Variants in AVEN observed in about 807,000 individuals in gnomAD.
AVEN encodes the protein apoptosis and caspase activation inhibitor.
A neutral mutation model predicts 38.1 loss-of-function variants in AVEN; 41 were observed. That is an observed-to-expected ratio of 1.08 (90% CI 0.84 to 1.40). The LOEUF (loss-of-function observed/expected upper bound fraction) is 1.40, where lower values mean the gene tolerates loss of function less well. AVEN is among the 40% of genes most tolerant of loss of function. AVEN has a pLI of 0.00. For missense variants in AVEN, 605 were observed against 438.8 expected, an observed-to-expected ratio of 1.38 and a Z score of -3.38; for synonymous variants, 206 against 171.8, an observed-to-expected ratio of 1.20 and a Z score of -1.56.
chr15:34,043,073 C>T (rs531586133), upstream of AVEN, among the ~76,000 whole-genome samples: 4 of 151,998 alleles, frequency 2.6e-5, no homozygotes, highest in East Asian at 7.8e-4. Flanking sequence ...CAGTGAAACC[C>T]CGTCTCTACT....
In AVEN at chr15:33,868,415, A is replaced by G. The variant is rs568694845; in HGVS notation, c.613-560T>C. Among the ~76,000 whole-genome samples, 3 of 151,980 alleles carry G rather than the reference A, an allele frequency of 2.0e-5. No homozygotes were observed. The East Asian group carries it at 5.8e-4, about 29-fold the overall frequency. ...CAAAAAAATTAGCCAGGAGTGGTGG[A>G]GAGTGTCTAGTCCCAGCTACTCGGG... On this transcript the variant is annotated intron_variant, in intron 4 of 5. Coordinates refer to ENST00000306730, the MANE Select transcript of AVEN (RefSeq NM_020371.3).
chr15:33,898,604 G>A (rs1429211745), intron 2 of AVEN, among the ~76,000 whole-genome samples: 3 of 152,056 alleles, frequency 2.0e-5, no homozygotes, highest in Non-Finnish European at 4.4e-5. Flanking sequence ...CTCTCCTTTT[G>A]ACACTAGTCA....
intron 2 of AVEN, among the ~76,000 whole-genome samples, chr15:33,935,307 G>A (rs1894015099): frequency 6.6e-6 from 1 of 152,142 alleles, no homozygotes; most frequent in Non-Finnish European, 1.5e-5. Context: ...GCTAGCACAA[G>A]TAGTTGAAGA....
chr15:33,926,755 A>G (rs987973931), intron 2 of AVEN, among the ~76,000 whole-genome samples: 6 of 152,262 alleles, frequency 3.9e-5, no homozygotes, highest in African/African-American at 1.4e-4. Flanking sequence ...CCTGGGTTCA[A>G]GCGATTCTCC....
At chr15:33,920,600 T>A (rs1298350661) in intron 2 of AVEN, among the ~76,000 whole-genome samples, 2 of 152,156 alleles carry the variant, frequency 1.3e-5, no homozygotes, top group African/African-American at 4.8e-5. Flanking sequence ...ACAAAAGTAA[T>A]CCATGTTCAA....
chr15:33,964,215 G>A (rs1258841445), intron 2 of AVEN, among the ~76,000 whole-genome samples: 1 of 152,046 alleles, frequency 6.6e-6, no homozygotes, highest in Non-Finnish European at 1.5e-5. Flanking sequence ...ATCTCCCCCC[G>A]AACGTATCTG....
chr15:33,869,082 G>A (rs779817295), intron 4 of AVEN, among the ~76,000 whole-genome samples: 2 of 152,094 alleles, frequency 1.3e-5, no homozygotes, highest in Non-Finnish European at 2.9e-5. Flanking sequence ...CATGTAAGAC[G>A]GTATGGCTTT....
At chr15:34,069,610 T>C (rs1401962368) in intron 2 of AVEN, among the ~76,000 whole-genome samples, 2 of 152,246 alleles carry the variant, frequency 1.3e-5, no homozygotes, top group African/African-American at 2.4e-5. Flanking sequence ...TATCTCATTA[T>C]TGGTGATGTT....
chr15:33,976,829 C>T (rs1332670627), intron 2 of AVEN, among the ~76,000 whole-genome samples: 1 of 152,084 alleles, frequency 6.6e-6, no homozygotes, highest in Non-Finnish European at 1.5e-5. Context: ...TTGAAACAAA[C>T]ATCCTAGGCA....
At chr15:33,860,819 C>T (rs1238749041) in intron 11 of AVEN, among the ~76,000 whole-genome samples, 1 of 150,876 alleles carries the variant, frequency 6.6e-6, no homozygotes, top group Non-Finnish European at 1.5e-5. Flanking sequence ...ATACCCCTGC[C>T]AGGCCGGCCA....
rs200947045 is a variant in AVEN, at chr15:33,876,008, A to G, written c.446-13T>C. 1,078 of 1,505,472 alleles carry G rather than the reference A, an allele frequency of 7.2e-4. 1 individual carries two copies. The highest frequency in any genetic ancestry group is 5.1e-3 in the African/African-American group (277 of 54,834). 93.3% of individuals were successfully genotyped at this position (1,505,472 alleles called of 1,614,324 possible). A position where few individuals can be genotyped will look rare whatever the true frequency, so the allele number is the denominator to read the frequency against. On this transcript the variant is annotated splice_polypyrimidine_tract_variant and intron_variant, in intron 2 of 5. Transcript: ENST00000306730. ...GAGAATGAGTCCCCTAGGAATAGGA[A>G]AAAAAAAAAAATTTATGCAAAAGCC... is the stretch of plus-strand genomic sequence containing the variant.
intron 2 of AVEN, among the ~76,000 whole-genome samples, chr15:33,923,153 T>G (rs201105913): frequency 7.1e-6 from 1 of 141,556 alleles, no homozygotes; most frequent in Non-Finnish European, 1.6e-5. Flanking sequence ...GAGAGAGAGA[T>G]AAGCTTGGTA....
intron 2 of AVEN, chr15:33,885,871 TG>T (rs1891678699): frequency 1.3e-5 from 2 of 152,222 alleles, no homozygotes; most frequent in African/African-American, 4.8e-5. Context: ...CTGTTAACCC[TG>T]TACCACTGTA....
chr15:33,953,493 C>G (rs1228573755), intron 2 of AVEN, among the ~76,000 whole-genome samples: 2 of 152,158 alleles, frequency 1.3e-5, no homozygotes, highest in Non-Finnish European at 2.9e-5. Context: ...CACACATCCA[C>G]AACCATCTGA....
At chr15:33,857,111 G>A (rs1358085020), downstream of AVEN, among the ~76,000 whole-genome samples, 4 of 152,000 alleles carry the variant, frequency 2.6e-5, no homozygotes, top group Non-Finnish European at 5.9e-5. Context: ...TTTTACTTAC[G>A]CCCAATCTAA....
intron 1 of AVEN, among the ~76,000 whole-genome samples, chr15:34,038,174 T>C (rs1477290706): frequency 6.6e-6 from 1 of 152,186 alleles, no homozygotes; most frequent in African/African-American, 2.4e-5. Flanking sequence ...TTTCTACACA[T>C]ACAGGCATAA....
intron 5 of AVEN, among the ~76,000 whole-genome samples, chr15:34,047,163 C>T (rs1483182046): frequency 4.6e-5 from 7 of 151,612 alleles, no homozygotes; most frequent in Admixed American, 2.0e-4. Context: ...CTGCAAGCTC[C>T]GCCTCCCGGG....
chr15:34,037,518 CTATTA>C (rs1899202492), intron 1 of AVEN, among the ~76,000 whole-genome samples: 1 of 148,926 alleles, frequency 6.7e-6, no homozygotes, highest in Admixed American at 6.7e-5. Context: ...TAATTACATA[CTATTA>C]TATTACATAA....
At chr15:33,861,275 G>A, downstream of AVEN, 1 of 865,490 alleles carries the variant, frequency 1.2e-6, no homozygotes, top group Non-Finnish European at 1.8e-6. Flanking sequence ...AGAGTAACCA[G>A]AAAGGAACTT....
Sources: gnomAD v4.1 joint callset for allele counts (sites outside exome capture counted in the v4.1 genomes callset) on GRCh38, gnomAD v4.1.1 for gene constraint, MANE v1.5 for transcripts, NCBI Gene and HGNC (gene_info 2026-07-23, HGNC 2026-07-21) for gene names.